The following RALGAPB variants were observed in gnomAD, a reference collection of about 807,000 sequenced individuals.
RALGAPB encodes the protein ral GTPase-activating protein subunit beta.
A neutral mutation model predicts 161.1 loss-of-function variants in RALGAPB; 25 were observed. The observed-to-expected ratio is 0.16, with a 90% CI of 0.11 to 0.22. The LOEUF is 0.22. Among genes scored for constraint, RALGAPB ranks in the 10% least tolerant of loss-of-function variants. The pLI is 1.00. For synonymous variants in RALGAPB, 629 were observed against 626.1 expected (o/e 1.00, Z -0.07); for missense variants, 1,391 against 1,815.2 (o/e 0.77, Z 4.25).
intron 6 of RALGAPB, among the ~76,000 whole-genome samples, chr20:38,511,858 C>G (rs1037823851): frequency 6.6e-6 from 1 of 152,156 alleles, no homozygotes; most frequent in East Asian, 1.9e-4. Flanking sequence ...ACCTCCTAGA[C>G]GGGGTGGCGG....
At chr20:38,479,955 C>T (rs2084919450) in intron 1 of RALGAPB, among the ~76,000 whole-genome samples, 1 of 151,766 alleles carries the variant, frequency 6.6e-6, no homozygotes, top group African/African-American at 2.4e-5. Flanking sequence ...CCCGATGTGT[C>T]ATGCCTGTGG....
In RALGAPB at chr20:38,532,821, A is replaced by T. The variant is rs1476517459; in HGVS notation, c.2207A>T (p.Asp736Val). 2.5e-6 allele frequency: 4 copies of T among 1,614,106 alleles called. No individual in the cohort carries two copies. Among genetic ancestry groups the T allele is most frequent in the Non-Finnish European group, 3.4e-6 (4 of 1,180,040 alleles). ...GGAAGCACGGAGCCCACGACTCCCG[A>T]TAGTGAGAGACCTGCTCAAGCTCTC... Reference protein sequence around the residue: ...SGGSTEPTTPDSERPAQALLR... With the variant: ...SGGSTEPTTPVSERPAQALLR... The change falls in exon 15 of 30, where the codon GAT becomes GTT. Residue 736 changes from aspartate to valine, a missense_variant. Asp to Val is a radical substitution (Grantham distance 152, BLOSUM62 -3). Around this residue, in one of 3 missense-constraint regions of RALGAPB, gnomAD observed 946 missense variants for 1,257.2 expected, o/e 0.75. Coordinates refer to ENST00000262879, the MANE Select transcript of RALGAPB (RefSeq NM_020336.4).
At chr20:38,505,302 A>G (rs1302650273) in intron 5 of RALGAPB, among the ~76,000 whole-genome samples, 1 of 152,222 alleles carries the variant, frequency 6.6e-6, no homozygotes, top group African/African-American at 2.4e-5. Flanking sequence ...TGAAGCCATT[A>G]TCCTAAGTGA....
intron 19 of RALGAPB, chr20:38,547,547 T>A (rs2087211057): frequency 6.6e-6 from 1 of 152,212 alleles, no homozygotes; most frequent in African/African-American, 2.4e-5. Context: ...CCTTCTTGCC[T>A]TTGTAAAGGT....
chr20:38,517,405 C>CT, intron 7 of RALGAPB, 101 bp from the exon 8 acceptor site: 15 of 1,203,740 alleles, frequency 1.2e-5, no homozygotes, highest in Non-Finnish European at 1.6e-5. Flanking sequence ...CTGCTATAGT[C>CT]TATGTGTCCC....
chr20:38,544,390 T>C (rs973638711), intron 18 of RALGAPB, among the ~76,000 whole-genome samples: 2 of 152,116 alleles, frequency 1.3e-5, no homozygotes, highest in Admixed American at 1.3e-4. Context: ...AGTACCTTTA[T>C]CATCCTGGTT....
chr20:38,517,587 C>T lies in RALGAPB; in HGVS notation c.1133C>T (p.Thr378Ile). The change falls in exon 8 of 30, where the codon ACC becomes ATC. Residue 378 changes from threonine to isoleucine, a missense_variant. Physicochemically the swap from Thr to Ile is moderately conservative, Grantham distance 89. This residue lies in a region of RALGAPB where 946 missense variants were observed against 1,257.2 expected (regional missense o/e 0.75). Transcript: ENST00000262879. ...ATGCCTCAAAGTGCTGCTGTCAGTA[C>T]CACCCCCCCACATAACCGGAGGCAC... is the stretch of plus-strand genomic sequence containing the variant. Reference protein sequence around the residue: ...LSMPQSAAVSTTPPHNRRHRA... With the variant: ...LSMPQSAAVSITPPHNRRHRA... 1 of 1,613,692 alleles carries T rather than the reference C, an allele frequency of 6.2e-7. No homozygotes were observed. Among genetic ancestry groups the T allele is most frequent in the Non-Finnish European group, 8.5e-7 (1 of 1,179,874 alleles).
intron 3 of RALGAPB, among the ~76,000 whole-genome samples, chr20:38,494,128 A>G (rs1200919302): frequency 6.6e-6 from 1 of 151,926 alleles, no homozygotes; most frequent in Non-Finnish European, 1.5e-5. Flanking sequence ...TTTCTGCATC[A>G]CTCTTGTATC....
chr20:38,526,430 C>T (rs927095980), intron 13 of RALGAPB, among the ~76,000 whole-genome samples: 10 of 152,008 alleles, frequency 6.6e-5, no homozygotes, highest in African/African-American at 2.4e-4. Flanking sequence ...GCCTCTTCCT[C>T]TTACTCCTGC....
At chr20:38,518,736 G>C (rs1430034683) in intron 9 of RALGAPB, among the ~76,000 whole-genome samples, 2 of 152,160 alleles carry the variant, frequency 1.3e-5, no homozygotes, top group Non-Finnish European at 2.9e-5. Flanking sequence ...GACAATGGCT[G>C]GCATTTATTG....
At chr20:38,485,768 T>C (rs760883201) in intron 1 of RALGAPB, among the ~76,000 whole-genome samples, 2 of 152,170 alleles carry the variant, frequency 1.3e-5, no homozygotes, top group East Asian at 3.8e-4. Context: ...AATGATACTT[T>C]AGTTGCCTTT....
Position 38,525,479 on chromosome 20 carries a change from G to T in RALGAPB, c.1863G>T (p.Leu621Phe). The change falls in exon 12 of 30, where the codon TTG becomes TTT. Residue 621 changes from leucine (L) to phenylalanine (F), a missense_variant. Coordinates refer to ENST00000262879, the MANE Select transcript of RALGAPB (RefSeq NM_020336.4). ...CCTCCATTAATATCCTGCTTTCTTTGTTGCCCCTCCCTCATCATTTTGGCA... is the reference window on the plus strand; with the variant it reads ...CCTCCATTAATATCCTGCTTTCTTTTTTGCCCCTCCCTCATCATTTTGGCA... ...RRSSINILLS[L>F]LPLPHHFGTV... The T allele has an allele frequency of 3.1e-6, 5 of 1,607,156 alleles. No individual in the cohort carries two copies. Among genetic ancestry groups the T allele is most frequent in the Non-Finnish European group, 4.2e-6 (5 of 1,177,660 alleles).
chr20:38,531,585 C>G (rs995937675), intron 14 of RALGAPB, among the ~76,000 whole-genome samples: 125 of 152,308 alleles, frequency 8.2e-4, no homozygotes, highest in African/African-American at 2.9e-3. Context: ...TTAACTTTTT[C>G]TTACCCATCA....
intron 11 of RALGAPB, 28 bp downstream of exon 11, chr20:38,524,973 C>T: frequency 6.3e-7 from 1 of 1,575,988 alleles, no homozygotes; most frequent in Non-Finnish European, 8.7e-7. Context: ...GCTATTATAT[C>T]AACTGTCTGA....
Position 38,518,000 on chromosome 20 carries a change from G to A in RALGAPB, c.1417G>A (p.Ala473Thr). 1 of 1,596,518 alleles carries A rather than the reference G, an allele frequency of 6.3e-7. No homozygotes were observed. The highest frequency in any genetic ancestry group is 8.6e-7 in the Non-Finnish European group (1 of 1,164,088). ...GATAAACAGAGACAGCAGCATGACT[G>A]GTAAATATTACTCAAGAAATATGTT... Reference protein sequence around the residue: ...NGINRDSSMTAITTQASMEFR... With the variant: ...NGINRDSSMTTITTQASMEFR... The change falls in exon 9 of 30, where the codon GCC (alanine) becomes ACC (threonine). Residue 473 changes from alanine (A) to threonine (T), a missense_variant and splice_region_variant. Around this residue, in one of 3 missense-constraint regions of RALGAPB, gnomAD observed 946 missense variants for 1,257.2 expected, o/e 0.75. Transcript: ENST00000262879.
At chr20:38,502,688 T>C (rs888501023) in intron 5 of RALGAPB, among the ~76,000 whole-genome samples, 2 of 152,210 alleles carry the variant, frequency 1.3e-5, no homozygotes, top group South Asian at 4.1e-4. Context: ...TTGCAGCCTC[T>C]GCCTCCCATG....
At chr20:38,508,053 A>AT (rs1370460880) in intron 5 of RALGAPB, among the ~76,000 whole-genome samples, 1 of 151,670 alleles carries the variant, frequency 6.6e-6, no homozygotes, top group Non-Finnish European at 1.5e-5. Context: ...TAACTTAGTT[A>AT]TATGGCAGAA....
Position 38,577,267 on chromosome 20 carries a change from T to A in RALGAPB, c.*2300T>A, listed in dbSNP as rs936330516. The A allele has an allele frequency of 2.0e-5, 3 of 152,198 alleles. No individual in the cohort carries two copies. Among genetic ancestry groups the A allele is most frequent in the African/African-American group, 7.2e-5 (3 of 41,432 alleles). The allele number at this position is 152,198 out of a possible 1,614,324, so 9.4% of individuals were successfully genotyped here. A position where few individuals can be genotyped will look rare whatever the true frequency, so the allele number is the denominator to read the frequency against. On this transcript the variant is annotated 3_prime_UTR_variant, in exon 30 of 30. Transcript: ENST00000262879. ...TATGGATTTGAGTTCATGGTCACTATTTTTACCCACCTGCCTTTGTTAAAA... is the reference window on the plus strand; with the variant it reads ...TATGGATTTGAGTTCATGGTCACTAATTTTACCCACCTGCCTTTGTTAAAA...
intron 22 of RALGAPB, among the ~76,000 whole-genome samples, chr20:38,556,157 G>C (rs962745513): frequency 2.6e-4 from 39 of 152,072 alleles, no homozygotes; most frequent in African/African-American, 9.4e-4. Context: ...AAACCCAGGA[G>C]CAAACTAGAG....
Sources: gnomAD v4.1 joint callset for allele counts (sites outside exome capture counted in the v4.1 genomes callset) on GRCh38, gnomAD v4.1.1 for gene constraint, gnomAD v4.1.1 regional missense constraint, MANE v1.5 for transcripts, NCBI Gene and HGNC (gene_info 2026-07-23, HGNC 2026-07-21) for gene names.